TMEM131L: variants seen among roughly 807,000 people sequenced by gnomAD.
TMEM131L encodes transmembrane 131 like.
In TMEM131L, 54 loss-of-function variants were observed where a neutral mutation model predicts 192.2. The observed-to-expected ratio is 0.28, with a 90% confidence interval of 0.23 to 0.35. TMEM131L has a LOEUF of 0.35. Among genes scored for constraint, TMEM131L ranks in the 10% least tolerant of loss-of-function variants. The pLI is 1.00. For synonymous variants in TMEM131L, 701 were observed against 704.9 expected, an observed-to-expected ratio of 0.99 and a Z score of 0.09; for missense variants, 1,888 against 1,972.9, an observed-to-expected ratio of 0.96 and a Z score of 0.82.
chr4:153,556,853 G>T, intron 5 of TMEM131L, 113 bp from the exon 6 acceptor site: 2 of 593,682 alleles, frequency 3.4e-6, no homozygotes, highest in East Asian at 2.9e-5. Flanking sequence ...ACTGATAAGG[G>T]TGCACAATAT....
intron 3 of TMEM131L, among the ~76,000 whole-genome samples, chr4:153,518,316 GAC>G (rs1734875354): frequency 6.6e-6 from 1 of 152,192 alleles, no homozygotes; most frequent in Non-Finnish European, 1.5e-5. Context: ...CATTTCGAAA[GAC>G]AGTGTTTTTG....
intron 3 of TMEM131L, among the ~76,000 whole-genome samples, chr4:153,504,664 T>C (rs980264555): frequency 6.6e-6 from 1 of 152,236 alleles, no homozygotes. Flanking sequence ...AATTTTCTTA[T>C]AAATAATGAT....
Position 153,558,263 on chromosome 4 carries a change from T to G in TMEM131L, c.555T>G (p.Ser185=). The G allele has an allele frequency of 1.3e-6, 2 of 1,559,732 alleles. No homozygotes were observed. Among genetic ancestry groups the G allele is most frequent in the Non-Finnish European group, 1.8e-6 (2 of 1,135,470 alleles). Residue 185 remains serine, a synonymous_variant, in exon 7 of 35, where the codon TCT becomes TCG. Transcript: ENST00000409959. ...TTCTCTCTCTTTTTCCGCAGGTATCTGGAATTGGCACTCGTAGAATCTCTA... is the reference window on the plus strand; with the variant it reads ...TTCTCTCTCTTTTTCCGCAGGTATCGGGAATTGGCACTCGTAGAATCTCTA... ...SSYGVLSYHV[S]GIGTRRISTE...
intron 21 of TMEM131L, among the ~76,000 whole-genome samples, chr4:153,601,107 C>CAAAAA (rs397879528): frequency 1.9e-5 from 2 of 103,094 alleles, no homozygotes; most frequent in Non-Finnish European, 4.0e-5. Flanking sequence ...AAGACTGTCT[C>CAAAAA]AAAAAAAAAA....
At chr4:153,590,174 A>T (rs1730971726) in intron 16 of TMEM131L, among the ~76,000 whole-genome samples, 1 of 152,250 alleles carries the variant, frequency 6.6e-6, no homozygotes, top group African/African-American at 2.4e-5. Flanking sequence ...TTGTTTTCTT[A>T]GTTTTCTTTA....
At chr4:153,543,545 C>A (rs1561176170) in intron 3 of TMEM131L, among the ~76,000 whole-genome samples, 1 of 152,172 alleles carries the variant, frequency 6.6e-6, no homozygotes, top group Non-Finnish European at 1.5e-5. Context: ...GGAAGGCCGC[C>A]GCCTGGAGTA....
rs184257789 is a variant in TMEM131L at position 153,591,448 on chromosome 4, C to G, written c.1812+254C>G. Among the ~76,000 whole-genome samples, 6 of 152,340 alleles carry G rather than the reference C, an allele frequency of 3.9e-5. No homozygotes were observed. The East Asian group carries it at 1.2e-3, about 29-fold the overall frequency. On this transcript the variant is annotated intron_variant, in intron 17 of 34. Transcript: ENST00000409959. ...CTGCAAACAGCAGAGAAAATCTTGA[C>G]TAGCTTAACTAGGAGTCATTTTATA...
In TMEM131L at chr4:153,523,324, G is replaced by C. The variant is rs17030067; in HGVS notation, c.240-26749G>C. On this transcript the variant is annotated intron_variant, in intron 3 of 34. Coordinates refer to ENST00000409959, the MANE Select transcript of TMEM131L (RefSeq NM_001131007.2). Reference sequence around the variant, plus strand: ...TCCTAGTATCCCTCTAGGCTGCTGTGTGTTGAATGGAATTCCTTCTATAAG... The same window carrying C: ...TCCTAGTATCCCTCTAGGCTGCTGTCTGTTGAATGGAATTCCTTCTATAAG... Among the ~76,000 whole-genome samples, 1,078 of 152,318 alleles carry C rather than the reference G, an allele frequency of 7.1e-3. 20 individuals carry two copies. The highest frequency in any genetic ancestry group is 0.024 in the African/African-American group (1,017 of 41,564).
chr4:153,544,402 G>C (rs1737017488), intron 3 of TMEM131L, among the ~76,000 whole-genome samples: 1 of 152,240 alleles, frequency 6.6e-6, no homozygotes, highest in South Asian at 2.1e-4. Flanking sequence ...ACCTGGGGAA[G>C]TGTCTGCTGA....
At chr4:153,502,158 G>T (rs1321260006) in intron 3 of TMEM131L, among the ~76,000 whole-genome samples, 2 of 151,960 alleles carry the variant, frequency 1.3e-5, no homozygotes, top group East Asian at 3.9e-4. Context: ...TTCCCGGGCC[G>T]GTCTCCAACA....
At chr4:153,482,311 C>G (rs1732003118) in intron 3 of TMEM131L, among the ~76,000 whole-genome samples, 1 of 141,708 alleles carries the variant, frequency 7.1e-6, no homozygotes. Flanking sequence ...GCAGCCATAA[C>G]AATGTAAAGT....
At chr4:153,586,060 T>A in intron 13 of TMEM131L, 149 bp from the exon 14 acceptor site, 1 of 539,994 alleles carries the variant, frequency 1.9e-6, no homozygotes, top group Admixed American at 4.2e-5. Flanking sequence ...CTATCATTTC[T>A]ATAAAAATAT....
At chr4:153,585,763 AT>A (rs1384422357) in intron 13 of TMEM131L, 152 bp downstream of exon 13, 2 of 502,748 alleles carry the variant, frequency 4.0e-6, no homozygotes, top group Non-Finnish European at 6.2e-6. Context: ...TAAAACATGT[AT>A]TTTTCTTTTA....
At chr4:153,479,181 T>C (rs1160292297) in intron 3 of TMEM131L, among the ~76,000 whole-genome samples, 1 of 152,228 alleles carries the variant, frequency 6.6e-6, no homozygotes, top group Admixed American at 6.5e-5. Flanking sequence ...GCTTGCCTGT[T>C]ACCTCAAAGT....
chr4:153,526,302 A>G lies in TMEM131L; in HGVS notation c.240-23771A>G, dbSNP rs531281299. On this transcript the variant is annotated intron_variant, in intron 3 of 34. Coordinates refer to ENST00000409959, the MANE Select transcript of TMEM131L (RefSeq NM_001131007.2). ...TCCACAGGCCTCTCTTCTCCTGTCCACTACCTGTATTGTTCATCTGAGAAT... is the reference window on the plus strand; with the variant it reads ...TCCACAGGCCTCTCTTCTCCTGTCCGCTACCTGTATTGTTCATCTGAGAAT... Among the ~76,000 whole-genome samples, 4 of 152,256 alleles carry G rather than the reference A, an allele frequency of 2.6e-5. No individual in the cohort carries two copies. In the East Asian group the frequency reaches 5.8e-4, roughly 22 times the overall value.
intron 4 of TMEM131L, among the ~76,000 whole-genome samples, chr4:153,551,221 T>C (rs1176645532): frequency 6.6e-6 from 1 of 152,214 alleles, no homozygotes; most frequent in Non-Finnish European, 1.5e-5. Context: ...GTGAATGAAA[T>C]AACCATGGCC....
intron 7 of TMEM131L, among the ~76,000 whole-genome samples, chr4:153,577,807 G>C (rs1730058878): frequency 6.6e-6 from 1 of 152,184 alleles, no homozygotes; most frequent in African/African-American, 2.4e-5. Context: ...AATAATGATA[G>C]GGTTGATGAA....
intron 7 of TMEM131L, among the ~76,000 whole-genome samples, chr4:153,574,456 G>A (rs56330199): frequency 0.056 from 8,564 of 152,206 alleles, 698 homozygotes; most frequent in African/African-American, 0.18. Context: ...GAATCTGAGT[G>A]TTATGTGGAA....
At chr4:153,509,620 T>C (rs929297478) in intron 3 of TMEM131L, among the ~76,000 whole-genome samples, 2 of 152,058 alleles carry the variant, frequency 1.3e-5, no homozygotes, top group Non-Finnish European at 2.9e-5. Flanking sequence ...CAGCTACTCC[T>C]GAGGAGGAGG....
Sources: gnomAD v4.1 joint callset for allele counts (sites outside exome capture counted in the v4.1 genomes callset) on GRCh38, gnomAD v4.1.1 for gene constraint, MANE v1.5 for transcripts, NCBI Gene and HGNC (gene_info 2026-07-23, HGNC 2026-07-21) for gene names.